The following IMMP2L variants were observed in gnomAD, a reference collection of about 807,000 sequenced individuals.
The protein encoded by IMMP2L is mitochondrial inner membrane protease subunit 2.
IMMP2L carries 18 observed loss-of-function variants against 19.3 expected under a neutral mutation model. That is an observed-to-expected ratio of 0.93 (90% CI 0.64 to 1.38). The LOEUF is 1.38. Among genes scored for constraint, IMMP2L ranks in the 40% most tolerant of loss-of-function variants. IMMP2L has a pLI of 0.00. For missense variants in IMMP2L, 233 were observed against 218.2 expected, an observed-to-expected ratio of 1.07 and a Z score of -0.43; for synonymous variants, 76 against 73.0, an observed-to-expected ratio of 1.04 and a Z score of -0.21.
chr7:110,959,352 A>T (rs1818691500), intron 4 of IMMP2L, among the ~76,000 whole-genome samples: 1 of 151,988 alleles, frequency 6.6e-6, no homozygotes, highest in Non-Finnish European at 1.5e-5. Flanking sequence ...CAGTAGACTA[A>T]GGGCTTCTAG....
rs534774740 is a variant in IMMP2L, at chr7:111,154,648, C to G, written c.240-191083G>C. ...TGCTCCAAATCTTACTTGCTGTGAACTAGGGATAATCAATAAACTCTTAAT... is the reference window on the plus strand; with the variant it reads ...TGCTCCAAATCTTACTTGCTGTGAAGTAGGGATAATCAATAAACTCTTAAT... On this transcript the variant is annotated intron_variant, in intron 3 of 5. Transcript: ENST00000405709. Among the ~76,000 whole-genome samples the G allele has an allele frequency of 3.3e-5, 5 of 152,278 alleles. No homozygotes were observed. In the South Asian group the frequency reaches 8.3e-4, roughly 25 times the overall value.
At chr7:111,238,218 A>C (rs1263875604) in intron 3 of IMMP2L, among the ~76,000 whole-genome samples, 1 of 152,068 alleles carries the variant, frequency 6.6e-6, no homozygotes. Flanking sequence ...CTGTACCATA[A>C]GGAAGAAGAC....
intron 3 of IMMP2L, among the ~76,000 whole-genome samples, chr7:111,173,553 A>G (rs1473317023): frequency 1.3e-5 from 2 of 151,642 alleles, no homozygotes; most frequent in African/African-American, 4.8e-5. Context: ...GGTTACAACC[A>G]CAGTGGTTTG....
rs542875645 is a variant in IMMP2L at position 111,311,420 on chromosome 7, C to T, written c.239+175818G>A. 2.0e-5 allele frequency among the ~76,000 whole-genome samples: 3 copies of T among 152,136 alleles called. No individual in the cohort carries two copies. The South Asian group carries it at 6.2e-4, about 32-fold the overall frequency. On this transcript the variant is annotated intron_variant, in intron 3 of 5. Transcript: ENST00000405709. ...CAATGGTCAAGCATTTTGGGTCTCC[C>T]CTCCCTGCCAAGGATTAGTGTCAAG... is the stretch of plus-strand genomic sequence containing the variant.
intron 3 of IMMP2L, among the ~76,000 whole-genome samples, chr7:111,264,640 G>A (rs1449017420): frequency 1.3e-5 from 2 of 151,620 alleles, no homozygotes; most frequent in Non-Finnish European, 2.9e-5. Flanking sequence ...CTGGCTAGTT[G>A]CAGGGAAGAT....
At chr7:111,402,991 A>ACCCCCCCCCCCC (rs781654530) in intron 3 of IMMP2L, among the ~76,000 whole-genome samples, 2 of 45,556 alleles carry the variant, frequency 4.4e-5, no homozygotes, top group African/African-American at 1.1e-4. Context: ...TGCAGCCTTG[A>ACCCCCCCCCCCC]CCCCCCCCCC....
chr7:111,281,190 GAAAGAAAGAAAGAAAGAAAGAAAGAA>G (rs1563004605), intron 3 of IMMP2L, among the ~76,000 whole-genome samples: 5,794 of 58,496 alleles, frequency 0.099, 250 homozygotes, highest in Middle Eastern at 0.14. Flanking sequence ...AAGAAAGAAA[GAAAGAAAGAAAGAAAGAAAGAAAGAA>G]AAAGAAAGAA....
intron 3 of IMMP2L, among the ~76,000 whole-genome samples, chr7:111,336,871 C>CTTAT (rs1395586950): frequency 6.7e-6 from 1 of 148,944 alleles, no homozygotes; most frequent in Non-Finnish European, 1.5e-5. Flanking sequence ...GGTACTCAGT[C>CTTAT]TTATTTATAC....
chr7:111,559,159 C>G (rs761464480), intron 1 of IMMP2L, among the ~76,000 whole-genome samples: 1 of 152,158 alleles, frequency 6.6e-6, no homozygotes, highest in Non-Finnish European at 1.5e-5. Flanking sequence ...CTATAATCTA[C>G]TGACAAAACA....
At chr7:111,450,908 C>T (rs1482244850) in intron 3 of IMMP2L, among the ~76,000 whole-genome samples, 1 of 151,760 alleles carries the variant, frequency 6.6e-6, no homozygotes, top group Non-Finnish European at 1.5e-5. Flanking sequence ...GGGACATGAA[C>T]AGGCACTTCT....
intron 3 of IMMP2L, among the ~76,000 whole-genome samples, chr7:111,197,175 A>G (rs530401756): frequency 6.6e-6 from 1 of 152,228 alleles, no homozygotes; most frequent in African/African-American, 2.4e-5. Flanking sequence ...AAATGAACAA[A>G]GTATTGGCTG....
chr7:111,521,260 C>T (rs1486067235), intron 2 of IMMP2L, 53 bp downstream of exon 2: 3 of 1,552,410 alleles, frequency 1.9e-6, no homozygotes, highest in African/African-American at 2.7e-5. Flanking sequence ...ATTTCTAGTG[C>T]TTGAAAAACA....
chr7:111,234,565 C>T (rs1029349017), intron 3 of IMMP2L, among the ~76,000 whole-genome samples: 3 of 152,028 alleles, frequency 2.0e-5, no homozygotes, highest in African/African-American at 7.2e-5. Flanking sequence ...TGGATATATA[C>T]AATCATGATT....
chr7:110,851,109 T>C (rs764341000), intron 5 of IMMP2L, among the ~76,000 whole-genome samples: 5 of 152,134 alleles, frequency 3.3e-5, no homozygotes, highest in Admixed American at 2.0e-4. Context: ...GACTACTTGG[T>C]AGAGTATGAA....
rs1842368748 is a variant in IMMP2L at position 111,483,493 on chromosome 7, A to T, written c.239+3745T>A. On this transcript the variant is annotated intron_variant, in intron 3 of 5. Coordinates refer to ENST00000405709, the MANE Select transcript of IMMP2L (RefSeq NM_032549.4). ...GCAAATCATATTTTGTGCAACCAAT[A>T]ATGTTATTAAATAAATGTAGCTACT... The T allele has an allele frequency of 2.6e-5, 4 of 152,188 alleles. No individual in the cohort carries two copies. The South Asian group carries it at 6.2e-4, about 24-fold the overall frequency. The allele number at this position is 152,188 out of a possible 1,614,324, so 9.4% of individuals were successfully genotyped here. A position where few individuals can be genotyped will look rare whatever the true frequency, so the allele number is the denominator to read the frequency against.
chr7:110,997,162 T>C (rs903484260), intron 3 of IMMP2L, among the ~76,000 whole-genome samples: 1 of 152,100 alleles, frequency 6.6e-6, no homozygotes, highest in African/African-American at 2.4e-5. Context: ...TGGAATGTAC[T>C]TAAAAAAAAT....
chr7:110,926,778 AT>A (rs1306503608), intron 4 of IMMP2L, among the ~76,000 whole-genome samples: 1 of 152,096 alleles, frequency 6.6e-6, no homozygotes, highest in African/African-American at 2.4e-5. Context: ...TATCATTACA[AT>A]TTTTTTGTAC....
intron 4 of IMMP2L, among the ~76,000 whole-genome samples, chr7:110,918,776 A>G (rs556877513): frequency 1.3e-5 from 2 of 152,210 alleles, no homozygotes; most frequent in Non-Finnish European, 2.9e-5. Context: ...TTTCATTGTT[A>G]TATTACTCTT....
chr7:110,831,992 G>A (rs1804011986), intron 5 of IMMP2L, among the ~76,000 whole-genome samples: 1 of 152,172 alleles, frequency 6.6e-6, no homozygotes, highest in South Asian at 2.1e-4. Flanking sequence ...GGCTGGGCGC[G>A]GTGGCTCACG....
Sources: gnomAD v4.1 joint callset for allele counts (sites outside exome capture counted in the v4.1 genomes callset) on GRCh38, gnomAD v4.1.1 for gene constraint, MANE v1.5 for transcripts, NCBI Gene and HGNC (gene_info 2026-07-23, HGNC 2026-07-21) for gene names.